NINJ2: variants seen among roughly 807,000 people sequenced by gnomAD.
The protein encoded by NINJ2 is ninjurin 2, also known as ninjurin-2.
A neutral mutation model predicts 11.7 loss-of-function variants in NINJ2; 12 were observed. The ratio of observed to expected loss-of-function variants is 1.02; its 90% CI spans 0.66 to 1.66. The LOEUF (loss-of-function observed/expected upper bound fraction) is 1.66. Ranked by LOEUF, NINJ2 falls within the 40% of genes most tolerant of loss-of-function variation. The probability of loss-of-function intolerance (pLI) is 0.00; values close to 1 mark genes in which losing one functional copy is unlikely to be tolerated. For synonymous variants in NINJ2, 93 were observed against 76.8 expected, an observed-to-expected ratio of 1.21 and a Z score of -1.10; for missense variants, 187 against 181.8, an observed-to-expected ratio of 1.03 and a Z score of -0.16.
intron 1 of NINJ2, among the ~76,000 whole-genome samples, chr12:600,363 T>G (rs7968756): frequency 0.74 from 112,205 of 151,896 alleles, 41,693 homozygotes; most frequent in Non-Finnish European, 0.78. Flanking sequence ...GACCAGCCTG[T>G]GCAACATGGT....
intron 1 of NINJ2, among the ~76,000 whole-genome samples, chr12:578,899 T>C (rs948514695): frequency 2.6e-5 from 4 of 152,234 alleles, no homozygotes; most frequent in Admixed American, 1.3e-4. Context: ...AAGGGTCTAG[T>C]GCTTTTATTC....
At chr12:662,388 GCCCAAAA>G (rs1480034622) in intron 1 of NINJ2, among the ~76,000 whole-genome samples, 1 of 151,228 alleles carries the variant, frequency 6.6e-6, no homozygotes, top group East Asian at 1.9e-4. Flanking sequence ...ACGCCACCCT[GCCCAAAA>G]CACACACAGA....
At chr12:660,206 T>G (rs912905402) in intron 1 of NINJ2, among the ~76,000 whole-genome samples, 1 of 149,642 alleles carries the variant, frequency 6.7e-6, no homozygotes, top group Non-Finnish European at 1.5e-5. Context: ...GAGGATAACT[T>G]GGGCCCAGGA....
rs556481077 is a variant in NINJ2 at position 633,722 on chromosome 12, G to A, written c.33+29606C>T. ...CCCAGCTACTCAGGAGGCTGAGGCA[G>A]GAGAATCATTTGAACCCAGGAGGTG... On this transcript the variant is annotated intron_variant, in intron 1 of 3. Coordinates refer to ENST00000305108, the MANE Select transcript of NINJ2 (RefSeq NM_016533.6). The surrounding 1 kb of genome is among the most constrained non-coding windows in gnomAD (Gnocchi z 4.3). Among the ~76,000 whole-genome samples the A allele has an allele frequency of 6.6e-6, 1 of 152,292 alleles. No homozygotes were observed. The highest frequency in any genetic ancestry group is 1.9e-4 in the East Asian group (1 of 5,186).
chr12:627,573 A>G (rs1948223673), intron 1 of NINJ2, among the ~76,000 whole-genome samples: 1 of 152,186 alleles, frequency 6.6e-6, no homozygotes, highest in South Asian at 2.1e-4. Flanking sequence ...TGGAGCCTCG[A>G]ATGGGTTGGG....
At chr12:572,658 AC>A (rs929193402) in intron 1 of NINJ2, among the ~76,000 whole-genome samples, 5 of 152,122 alleles carry the variant, frequency 3.3e-5, no homozygotes, top group African/African-American at 1.2e-4. Flanking sequence ...CAGAGGACAT[AC>A]CTTGTGGCTG....
intron 1 of NINJ2, among the ~76,000 whole-genome samples, chr12:597,007 A>T (rs1947797382): frequency 6.6e-6 from 1 of 152,180 alleles, no homozygotes; most frequent in Non-Finnish European, 1.5e-5. Context: ...CACATGAAAA[A>T]CTTGTTAAAA....
intron 1 of NINJ2, among the ~76,000 whole-genome samples, chr12:648,405 T>G (rs1187574876): frequency 1.3e-5 from 2 of 152,222 alleles, no homozygotes; most frequent in African/African-American, 4.8e-5. Flanking sequence ...TTGAGTAGTC[T>G]GTCTGTTGTT....
At chr12:642,692 G>C (rs115104227) in intron 1 of NINJ2, 12,320 of 152,650 alleles carry the variant, frequency 0.081, 571 homozygotes, top group African/African-American at 0.11. Flanking sequence ...GGATCCGGGG[G>C]AGACGAAGGT....
At chr12:642,032 G>A (rs895383617) in intron 1 of NINJ2, among the ~76,000 whole-genome samples, 1 of 152,182 alleles carries the variant, frequency 6.6e-6, no homozygotes, top group African/African-American at 2.4e-5. Context: ...CGTGGAAGGC[G>A]GGAAAGGGCC....
intron 2 of NINJ2, chr12:565,656 T>C (rs1947286647): frequency 1.6e-6 from 1 of 611,394 alleles, no homozygotes; most frequent in Admixed American, 2.8e-5. Flanking sequence ...CGAGTGCTCA[T>C]GGAGAAGCGG....
In NINJ2 at chr12:634,265, C is replaced by CTTTTTTTTTTTTTT. The variant is rs67797144; in HGVS notation, c.33+29049_33+29062dup. Among the ~76,000 whole-genome samples the CTTTTTTTTTTTTTT allele has an allele frequency of 1.6e-3, 95 of 59,528 alleles. 13 individuals are homozygous for CTTTTTTTTTTTTTT. Among genetic ancestry groups the CTTTTTTTTTTTTTT allele is most frequent in the East Asian group, 8.5e-3 (10 of 1,176 alleles). The allele number at this position is 59,528 out of a possible 152,430, so 39.1% of individuals were successfully genotyped here. A position where few individuals can be genotyped will look rare whatever the true frequency, so the allele number is the denominator to read the frequency against. On this transcript the variant is annotated intron_variant, in intron 1 of 3. Transcript: ENST00000305108. ...AAATAAATGTTGATTAGTTGCAGTT[C>CTTTTTTTTTTTTTT]TTTTTTTTTTTTTTTTTTTTTTTTT...
At chr12:588,494 C>T (rs1207828670) in intron 1 of NINJ2, among the ~76,000 whole-genome samples, 5 of 152,190 alleles carry the variant, frequency 3.3e-5, no homozygotes, top group Non-Finnish European at 5.9e-5. Context: ...TATCTGAAGT[C>T]GTGTCATTCT....
Position 571,897 on chromosome 12 carries a change from C to A in NINJ2, c.34-5719G>T, listed in dbSNP as rs190071957. Among the ~76,000 whole-genome samples the A allele has an allele frequency of 1.1e-4, 17 of 152,354 alleles. No individual in the cohort carries two copies. In the East Asian group the frequency reaches 2.9e-3, roughly 26 times the overall value. ...TAAACCCCAGAGTGGTAAGTAACTG[C>A]CCTACCAAAAAGCCATGGAGCCCGC... On this transcript the variant is annotated intron_variant, in intron 1 of 3. Coordinates refer to ENST00000305108, the MANE Select transcript of NINJ2 (RefSeq NM_016533.6).
chr12:583,772 G>A (rs186503663), intron 1 of NINJ2, among the ~76,000 whole-genome samples: 22 of 152,306 alleles, frequency 1.4e-4, no homozygotes, highest in African/African-American at 4.1e-4. Context: ...GCTTGAGGAC[G>A]CGGACACTTA....
At chr12:602,856 A>G (rs1319265125) in intron 1 of NINJ2, among the ~76,000 whole-genome samples, 1 of 152,132 alleles carries the variant, frequency 6.6e-6, no homozygotes, top group Non-Finnish European at 1.5e-5. Context: ...TTTTTGAGAC[A>G]GGGTCTCACT....
intron 1 of NINJ2, among the ~76,000 whole-genome samples, chr12:629,148 T>C (rs191531335): frequency 3.9e-5 from 6 of 152,316 alleles, no homozygotes; most frequent in Non-Finnish European, 4.4e-5. Flanking sequence ...TCTCTTGGGG[T>C]CTGGATCGGG....
intron 1 of NINJ2, among the ~76,000 whole-genome samples, chr12:637,327 C>T (rs1216513254): frequency 6.7e-6 from 1 of 149,310 alleles, no homozygotes; most frequent in Admixed American, 6.8e-5. Context: ...CCAGCCTGGG[C>T]GACAGAGCGA....
At chr12:654,764 C>T (rs931472934) in intron 1 of NINJ2, among the ~76,000 whole-genome samples, 3 of 151,658 alleles carry the variant, frequency 2.0e-5, no homozygotes, top group Admixed American at 6.6e-5. Context: ...TGGTGACACC[C>T]GCCTGTAATC....
Sources: allele counts gnomAD v4.1 joint callset (sites outside exome capture counted in the v4.1 genomes callset), GRCh38; gene constraint gnomAD v4.1.1; non-coding constraint Gnocchi (gnomAD v3.1); transcripts MANE v1.5; gene names NCBI Gene and HGNC (gene_info 2026-07-23, HGNC 2026-07-21).